The following ASIC2 variants were observed in gnomAD, a reference collection of about 807,000 sequenced individuals.
The protein encoded by ASIC2 is acid-sensing ion channel 2.
In ASIC2, 25 loss-of-function variants were observed where a neutral mutation model predicts 57.3. The observed-to-expected ratio is 0.44, with a 90% CI of 0.32 to 0.61. ASIC2 has a LOEUF of 0.61. Ranked by LOEUF, ASIC2 falls within the 20% of genes least tolerant of loss-of-function variation. The pLI, the probability that ASIC2 is intolerant of heterozygous loss-of-function variation, is 0.06. For synonymous variants in ASIC2, 319 were observed against 307.5 expected (o/e 1.04, Z -0.39); for missense variants, 641 against 738.1 (o/e 0.87, Z 1.52).
chr17:33,059,511 G>A (rs1330789482), intron 3 of ASIC2, among the ~76,000 whole-genome samples: 2 of 152,004 alleles, frequency 1.3e-5, no homozygotes, highest in African/African-American at 2.4e-5. Flanking sequence ...ATGGCTGCAT[G>A]GTATTCCATG....
At chr17:34,116,936 T>G (rs1291979725) in intron 1 of ASIC2, among the ~76,000 whole-genome samples, 1 of 152,064 alleles carries the variant, frequency 6.6e-6, no homozygotes, top group African/African-American at 2.4e-5. Flanking sequence ...CAGCCATTGG[T>G]TCAATGTGTG....
At chr17:33,422,507 C>T (rs1307743405) in intron 1 of ASIC2, among the ~76,000 whole-genome samples, 2 of 152,184 alleles carry the variant, frequency 1.3e-5, no homozygotes, top group Non-Finnish European at 2.9e-5. Flanking sequence ...AGGAGGGTTG[C>T]AATGCCATCG....
At chr17:34,099,755 AAAG>A (rs1378788480) in intron 1 of ASIC2, among the ~76,000 whole-genome samples, 2 of 16,312 alleles carry the variant, frequency 1.2e-4, no homozygotes, top group African/African-American at 3.9e-4. Context: ...AGAAAGAAAG[AAAG>A]AAAGAAAGAA....
chr17:33,229,168 C>A (rs947873213), intron 1 of ASIC2, among the ~76,000 whole-genome samples: 1 of 151,846 alleles, frequency 6.6e-6, no homozygotes, highest in South Asian at 2.1e-4. Flanking sequence ...AAGAGGTGTA[C>A]CAAGCAAGAG....
intron 1 of ASIC2, among the ~76,000 whole-genome samples, chr17:34,080,598 G>A (rs1909842231): frequency 6.6e-6 from 1 of 152,186 alleles, no homozygotes; most frequent in African/African-American, 2.4e-5. Context: ...GCAGAGGGAA[G>A]GATGGGCAGC....
intron 1 of ASIC2, among the ~76,000 whole-genome samples, chr17:33,359,101 T>A (rs752790652): frequency 6.6e-6 from 1 of 152,184 alleles, no homozygotes; most frequent in Non-Finnish European, 1.5e-5. Flanking sequence ...AGAGAGATGA[T>A]CTAGATATAC....
chr17:33,709,126 C>T (rs975029787), intron 1 of ASIC2, among the ~76,000 whole-genome samples: 4 of 152,166 alleles, frequency 2.6e-5, no homozygotes, highest in Non-Finnish European at 5.9e-5. Flanking sequence ...GGAATCCATC[C>T]TGAACTTGCC....
intron 1 of ASIC2, among the ~76,000 whole-genome samples, chr17:33,740,792 C>T (rs1910086796): frequency 6.6e-6 from 1 of 152,166 alleles, no homozygotes. Flanking sequence ...TATGCCTTAG[C>T]CACTACTATG....
intron 1 of ASIC2, among the ~76,000 whole-genome samples, chr17:33,306,379 C>T (rs1906175308): frequency 1.3e-5 from 2 of 152,176 alleles, no homozygotes; most frequent in Admixed American, 1.3e-4. Flanking sequence ...CACATACCCA[C>T]ACATTAATAC....
intron 1 of ASIC2, among the ~76,000 whole-genome samples, chr17:33,783,226 C>A (rs762747587): frequency 6.6e-6 from 1 of 152,254 alleles, no homozygotes; most frequent in Non-Finnish European, 1.5e-5. Context: ...AGGCAAGGCA[C>A]TAACCATCTC....
At chr17:33,911,296 G>A (rs1915456752) in intron 1 of ASIC2, among the ~76,000 whole-genome samples, 2 of 152,204 alleles carry the variant, frequency 1.3e-5, no homozygotes, top group Admixed American at 1.3e-4. Context: ...CCACACTCAT[G>A]GGAGTTGAAA....
At chr17:34,009,728 G>A (rs1316172562) in intron 1 of ASIC2, among the ~76,000 whole-genome samples, 1 of 152,182 alleles carries the variant, frequency 6.6e-6, no homozygotes, top group Admixed American at 6.5e-5. Context: ...TTAAAAACAG[G>A]CCTTGAGGAG....
At chr17:33,037,856 C>T (rs1433960705) in intron 3 of ASIC2, among the ~76,000 whole-genome samples, 1 of 152,132 alleles carries the variant, frequency 6.6e-6, no homozygotes, top group Non-Finnish European at 1.5e-5. Flanking sequence ...AAATCACTGT[C>T]TTGGGAGTGA....
chr17:33,899,157 C>G (rs1915177549), intron 1 of ASIC2, among the ~76,000 whole-genome samples: 3 of 148,230 alleles, frequency 2.0e-5, no homozygotes, highest in East Asian at 2.0e-4. Flanking sequence ...TCTAAAGGAA[C>G]TCCCCAAGAG....
At chr17:33,755,783 C>A (rs886698473) in intron 1 of ASIC2, among the ~76,000 whole-genome samples, 9 of 151,888 alleles carry the variant, frequency 5.9e-5, no homozygotes, top group Non-Finnish European at 2.9e-5. Context: ...ACAGAGGGGA[C>A]CAAAGGAAGA....
chr17:33,120,162 T>A (rs193121939), intron 1 of ASIC2, among the ~76,000 whole-genome samples: 10 of 152,348 alleles, frequency 6.6e-5, no homozygotes, highest in Admixed American at 3.9e-4. Flanking sequence ...TTTGAATGTA[T>A]GATATGGTAA....
chr17:33,881,928 C>G (rs976216649), intron 1 of ASIC2, among the ~76,000 whole-genome samples: 15 of 152,176 alleles, frequency 9.9e-5, no homozygotes, highest in African/African-American at 3.6e-4. Context: ...ACCAATGGAA[C>G]AGAACAGAGC....
intron 1 of ASIC2, among the ~76,000 whole-genome samples, chr17:34,087,108 T>C (rs1332158835): frequency 1.3e-5 from 2 of 152,188 alleles, no homozygotes; most frequent in African/African-American, 2.4e-5. Flanking sequence ...ATTTTGCTTG[T>C]TAGTTGATGC....
At chr17:33,936,433 CCAGA>C (rs934345127) in intron 1 of ASIC2, 5 of 152,172 alleles carry the variant, frequency 3.3e-5, no homozygotes, top group South Asian at 2.1e-4. Context: ...TAAGTGCCCA[CCAGA>C]CAGAGTGTGA....
Sources: gnomAD v4.1 joint callset for allele counts (sites outside exome capture counted in the v4.1 genomes callset) on GRCh38, gnomAD v4.1.1 for gene constraint, MANE v1.5 for transcripts, NCBI Gene and HGNC (gene_info 2026-07-23, HGNC 2026-07-21) for gene names.